Variants in SPATA13 observed in about 807,000 individuals in gnomAD.
SPATA13 encodes the protein spermatogenesis associated 13, also known as spermatogenesis-associated protein 13.
SPATA13 carries 50 observed loss-of-function variants against 104.0 expected under a neutral mutation model. The ratio of observed to expected loss-of-function variants is 0.48; its 90% CI spans 0.38 to 0.61. The LOEUF (loss-of-function observed/expected upper bound fraction) is 0.61. Among genes scored for constraint, SPATA13 ranks in the 20% least tolerant of loss-of-function variants. SPATA13 has a pLI of 0.00. For synonymous variants in SPATA13, 606 were observed against 667.5 expected (o/e 0.91, Z 1.42); for missense variants, 1,524 against 1,690.6 (o/e 0.90, Z 1.73).
intron 3 of SPATA13, among the ~76,000 whole-genome samples, chr13:24,075,522 T>C (rs1234183146): frequency 6.6e-6 from 1 of 152,246 alleles, no homozygotes; most frequent in East Asian, 1.9e-4. Context: ...TCCTATTTTT[T>C]TCAAATGACC....
intron 3 of SPATA13, among the ~76,000 whole-genome samples, chr13:24,103,453 C>G (rs1054925489): frequency 1.0e-4 from 13 of 129,448 alleles, no homozygotes; most frequent in African/African-American, 3.8e-4. Flanking sequence ...CCACTGTACT[C>G]CAGCCTGGGC....
upstream of SPATA13, chr13:24,160,636 G>A (rs1882429117): frequency 2.2e-5 from 18 of 832,330 alleles, no homozygotes; most frequent in Middle Eastern, 6.0e-4. Flanking sequence ...AGCTAACCGG[G>A]GGCGTGGCCT....
At position 24,296,642 on chromosome 13, in the gene SPATA13, A is replaced by G. The variant is rs574605443; in HGVS notation, c.3211-721A>G. Among the ~76,000 whole-genome samples the G allele has an allele frequency of 5.3e-5, 8 of 152,186 alleles. No individual in the cohort carries two copies. The East Asian group carries it at 1.5e-3, about 29-fold the overall frequency. ...GTCCCCTGCATGAATGCTTTCTCCC[A>G]TGTAAGCCTGCGTGCTCTCACTCTT... is the stretch of plus-strand genomic sequence containing the variant. On this transcript the variant is annotated intron_variant, in intron 10 of 12. Coordinates refer to ENST00000382108, the MANE Select transcript of SPATA13 (RefSeq NM_001166271.3).
At position 24,081,957 on chromosome 13, in the gene SPATA13, G is replaced by A. The variant is rs1879535439; in HGVS notation, c.-112+64256G>A. 2.0e-5 allele frequency among the ~76,000 whole-genome samples: 3 copies of A among 152,186 alleles called. No homozygotes were observed. The South Asian group carries it at 6.2e-4, about 31-fold the overall frequency. On this transcript the variant is annotated intron_variant, in intron 3 of 14. Coordinates refer to the SPATA13 transcript ENST00000424834. ...CTATTCCCAGGAGTGGGATTGATGA[G>A]CCATAGGTCATATGCATATCTATTT...
intron 4 of SPATA13, among the ~76,000 whole-genome samples, chr13:24,282,642 C>T (rs770058521): frequency 5.3e-5 from 8 of 152,164 alleles, no homozygotes; most frequent in Non-Finnish European, 4.4e-5. Flanking sequence ...GCTTCCCTGG[C>T]CCCAGGCTCT....
chr13:24,185,766 GAGAA>G (rs1869109425), intron 1 of SPATA13, among the ~76,000 whole-genome samples: 1 of 150,446 alleles, frequency 6.6e-6, no homozygotes. Flanking sequence ...GGGTTCTCCA[GAGAA>G]AGAACTAAAA....
At chr13:24,113,887 A>AG (rs1172259101) in intron 3 of SPATA13, among the ~76,000 whole-genome samples, 1,918 of 149,762 alleles carry the variant, frequency 0.013, 36 homozygotes, top group African/African-American at 0.046. Context: ...AAAAAAAAAA[A>AG]AAAGAAAGAA....
chr13:24,024,961 T>C (rs113030555), intron 3 of SPATA13, among the ~76,000 whole-genome samples: 36,031 of 121,516 alleles, frequency 0.3, 4,647 homozygotes, highest in Admixed American at 0.35. Context: ...TATATAAATA[T>C]ATATATAAAC....
rs143027773 is a variant in SPATA13, at chr13:24,152,600, C to T, written c.-111-70219C>T. Among the ~76,000 whole-genome samples the T allele has an allele frequency of 4.9e-4, 75 of 152,354 alleles. 1 individual carries two copies. The East Asian group carries it at 0.013, about 26-fold the overall frequency. On this transcript the variant is annotated intron_variant, in intron 3 of 14. Transcript: ENST00000424834. ...ATTCCAGCCCCACAGCTCCCACATC[C>T]CCGTCTGTGTGACCAGTGCTTTCAA... is the stretch of plus-strand genomic sequence containing the variant.
At chr13:24,300,515 A>G in intron 12 of SPATA13, 40 bp downstream of exon 12, 2 of 1,584,004 alleles carry the variant, frequency 1.3e-6, no homozygotes, top group South Asian at 2.2e-5. Flanking sequence ...AATGCTTATC[A>G]GTATTCTCCT....
chr13:23,980,263 A>G (rs1323414696), intron 1 of SPATA13, among the ~76,000 whole-genome samples: 2 of 151,964 alleles, frequency 1.3e-5, no homozygotes, highest in Non-Finnish European at 2.9e-5. Context: ...CCGGGGCAGT[A>G]GTTGCACAAA....
At chr13:24,236,627 A>G (rs1418784378) in intron 2 of SPATA13, among the ~76,000 whole-genome samples, 2 of 151,976 alleles carry the variant, frequency 1.3e-5, no homozygotes, top group African/African-American at 4.8e-5. Flanking sequence ...TATGCAAATG[A>G]TAAAGTATAT....
At chr13:24,083,758 T>G (rs972560622) in intron 3 of SPATA13, among the ~76,000 whole-genome samples, 2 of 152,186 alleles carry the variant, frequency 1.3e-5, no homozygotes, top group African/African-American at 4.8e-5. Flanking sequence ...TGAAACACAC[T>G]GCGCTCAGCC....
intron 3 of SPATA13, among the ~76,000 whole-genome samples, chr13:24,044,284 G>A (rs897674565): frequency 2.7e-5 from 4 of 145,474 alleles, no homozygotes; most frequent in Non-Finnish European, 6.0e-5. Flanking sequence ...CCAGGCTGGA[G>A]TGCAGCAGCG....
chr13:24,227,622 A>T (rs1018131462), intron 2 of SPATA13, among the ~76,000 whole-genome samples: 2 of 152,026 alleles, frequency 1.3e-5, no homozygotes, highest in Admixed American at 6.6e-5. Flanking sequence ...CCAGGCTGGA[A>T]TGCAGTGGTG....
In SPATA13 at chr13:24,225,303, C is replaced by T. The variant is rs564650807; in HGVS notation, c.1653+721C>T. Among the ~76,000 whole-genome samples the T allele has an allele frequency of 1.4e-4, 21 of 152,294 alleles. No individual in the cohort carries two copies. The South Asian group carries it at 4.1e-3, about 30-fold the overall frequency. On this transcript the variant is annotated intron_variant, in intron 2 of 12. Coordinates refer to ENST00000382108, the MANE Select transcript of SPATA13 (RefSeq NM_001166271.3). ...CAGCAGGGCAGGCAGCTCCAGGTGC[C>T]GGCACAGGTGCTGGCTCCATGCAAG... is the stretch of plus-strand genomic sequence containing the variant.
Position 24,250,041 on chromosome 13 carries a change from G to T in SPATA13, c.2019+199G>T, listed in dbSNP as rs532191204. On this transcript the variant is annotated intron_variant, in intron 3 of 12. Transcript: ENST00000382108. ...ACCACCTGACGTTTGGATGCCTTTT[G>T]CTAATCTTTCTTTCCTGGGATCTCA... 6.6e-5 allele frequency among the ~76,000 whole-genome samples: 10 copies of T among 152,310 alleles called. No homozygotes were observed. In the East Asian group the frequency reaches 9.6e-4, roughly 15 times the overall value.
At chr13:24,037,248 A>T (rs1877722382) in intron 3 of SPATA13, among the ~76,000 whole-genome samples, 1 of 150,234 alleles carries the variant, frequency 6.7e-6, no homozygotes, top group Admixed American at 6.6e-5. Context: ...GATATACCTA[A>T]TGTAAATGAC....
At chr13:24,072,519 A>C (rs1879200177) in intron 3 of SPATA13, among the ~76,000 whole-genome samples, 1 of 152,100 alleles carries the variant, frequency 6.6e-6, no homozygotes, top group South Asian at 2.1e-4. Flanking sequence ...CACTTTAGAG[A>C]TGAGCCTCCT....
Sources: allele counts gnomAD v4.1 joint callset (sites outside exome capture counted in the v4.1 genomes callset), GRCh38; gene constraint gnomAD v4.1.1; transcripts MANE v1.5; gene names NCBI Gene and HGNC (gene_info 2026-07-23, HGNC 2026-07-21).